The following DLG2 variants were observed in gnomAD, a reference collection of about 807,000 sequenced individuals.
The protein encoded by DLG2 is discs large MAGUK scaffold protein 2, also known as disks large homolog 2.
Under a neutral mutation model 132.5 loss-of-function variants are expected in DLG2, and 45 were observed. That is an observed-to-expected ratio of 0.34 (90% CI 0.27 to 0.44). The LOEUF (loss-of-function observed/expected upper bound fraction) is 0.44, where lower values mean the gene tolerates loss of function less well. Ranked by LOEUF, DLG2 falls within the 20% of genes least tolerant of loss-of-function variation. DLG2 has a pLI of 1.00. For synonymous variants in DLG2, 424 were observed against 419.6 expected, an observed-to-expected ratio of 1.01 and a Z score of -0.13; for missense variants, 1,045 against 1,196.9, an observed-to-expected ratio of 0.87 and a Z score of 1.87.
At chr11:84,696,588 C>G (rs1424798590) in intron 6 of DLG2, among the ~76,000 whole-genome samples, 1 of 151,214 alleles carries the variant, frequency 6.6e-6, no homozygotes, top group Non-Finnish European at 1.5e-5. Context: ...TGGTGACAAA[C>G]CAGGCAGAAA....
intron 7 of DLG2, among the ~76,000 whole-genome samples, chr11:84,368,410 TC>T (rs2098692706): frequency 1.3e-5 from 2 of 152,094 alleles, no homozygotes; most frequent in South Asian, 4.1e-4. Context: ...ATAAATATTC[TC>T]CCAAGGTAAG....
At chr11:85,272,246 C>T (rs2077580793) in intron 4 of DLG2, among the ~76,000 whole-genome samples, 1 of 152,128 alleles carries the variant, frequency 6.6e-6, no homozygotes, top group Non-Finnish European at 1.5e-5. Context: ...CTTCTTTCTG[C>T]CATAATTGTG....
intron 7 of DLG2, among the ~76,000 whole-genome samples, chr11:84,302,639 T>C (rs1425390661): frequency 6.6e-6 from 1 of 152,186 alleles, no homozygotes; most frequent in Non-Finnish European, 1.5e-5. Context: ...CAGGTGACTT[T>C]TAATTTTTTA....
At chr11:84,309,246 C>G (rs1352838215) in intron 7 of DLG2, among the ~76,000 whole-genome samples, 1 of 152,200 alleles carries the variant, frequency 6.6e-6, no homozygotes, top group East Asian at 1.9e-4. Flanking sequence ...GGGCTCTCCT[C>G]TCTCCGTCTG....
intron 4 of DLG2, among the ~76,000 whole-genome samples, chr11:85,238,205 T>TTTTATTTATTTA (rs141877580): frequency 4.8e-5 from 6 of 126,002 alleles, no homozygotes; most frequent in Non-Finnish European, 8.4e-5. Flanking sequence ...TTTATTTTTA[T>TTTTATTTATTTA]TTTATTTATT....
chr11:84,554,709 G>T (rs1023488113), intron 6 of DLG2, among the ~76,000 whole-genome samples: 3 of 152,046 alleles, frequency 2.0e-5, no homozygotes, highest in African/African-American at 7.2e-5. Context: ...CTGAGTCACT[G>T]CACTCCAGCC....
Position 84,857,469 on chromosome 11 carries a change from C to G in DLG2, c.357+254192G>C, listed in dbSNP as rs533739887. Among the ~76,000 whole-genome samples the G allele has an allele frequency of 1.2e-4, 18 of 151,076 alleles. 1 individual carries two copies. In the South Asian group the frequency reaches 3.4e-3, roughly 28 times the overall value. On this transcript the variant is annotated intron_variant, in intron 6 of 27. Coordinates refer to ENST00000376104, the MANE Select transcript of DLG2 (RefSeq NM_001142699.3). ...TGGAAACTAGTATGTTTCAAAGGCA[C>G]AGGAGGAATCAGTCTATGGAAAAGA...
intron 11 of DLG2, among the ~76,000 whole-genome samples, chr11:84,003,829 A>G (rs1046115508): frequency 1.3e-5 from 2 of 152,170 alleles, no homozygotes; most frequent in African/African-American, 4.8e-5. Flanking sequence ...GTGATAAAAA[A>G]CTGGAAAAAG....
intron 18 of DLG2, among the ~76,000 whole-genome samples, chr11:83,652,974 T>G (rs1297773669): frequency 1.3e-5 from 2 of 152,244 alleles, no homozygotes; most frequent in Admixed American, 1.3e-4. Flanking sequence ...TATTCCACTG[T>G]ACATATGTGA....
At chr11:84,946,714 C>T (rs1176127082) in intron 6 of DLG2, among the ~76,000 whole-genome samples, 7 of 152,102 alleles carry the variant, frequency 4.6e-5, no homozygotes, top group African/African-American at 1.7e-4. Flanking sequence ...CCTTGGCCAC[C>T]CTAGCTGGTG....
At chr11:85,441,699 A>G (rs1443654243) in intron 3 of DLG2, among the ~76,000 whole-genome samples, 2 of 152,212 alleles carry the variant, frequency 1.3e-5, no homozygotes, top group Non-Finnish European at 2.9e-5. Context: ...GGTAAATGCT[A>G]TGATTCACTC....
intron 17 of DLG2, chr11:83,791,331 C>G (rs574454735): frequency 1.5e-4 from 104 of 671,074 alleles, no homozygotes; most frequent in Non-Finnish European, 2.5e-4. Context: ...TGGCAGAAAG[C>G]TGCCTTTTTA....
chr11:83,967,099 T>A (rs527297737), intron 12 of DLG2, among the ~76,000 whole-genome samples: 2 of 152,120 alleles, frequency 1.3e-5, no homozygotes, highest in African/African-American at 4.8e-5. Context: ...TATTTCATTG[T>A]GCATATATAC....
intron 16 of DLG2, among the ~76,000 whole-genome samples, chr11:83,851,316 C>T (rs559523435): frequency 9.2e-5 from 14 of 152,174 alleles, no homozygotes; most frequent in South Asian, 2.1e-4. Context: ...TCCAATCTGA[C>T]GGGTCTCCTT....
At chr11:84,252,063 T>C (rs1394538006) in intron 7 of DLG2, among the ~76,000 whole-genome samples, 4 of 151,952 alleles carry the variant, frequency 2.6e-5, no homozygotes, top group Non-Finnish European at 5.9e-5. Context: ...GTATGCTATA[T>C]TCAATACAAA....
At chr11:85,428,090 G>T (rs895346866) in intron 3 of DLG2, among the ~76,000 whole-genome samples, 4 of 152,118 alleles carry the variant, frequency 2.6e-5, no homozygotes, top group African/African-American at 7.2e-5. Flanking sequence ...TCCTAAATAT[G>T]CATGCACCCA....
At chr11:83,874,220 A>G (rs535202790) in intron 16 of DLG2, among the ~76,000 whole-genome samples, 200 bp downstream of exon 16, 1 of 150,722 alleles carries the variant, frequency 6.6e-6, no homozygotes, top group African/African-American at 2.4e-5. Flanking sequence ...ACAGAAAAAA[A>G]GAAAGAAAGA....
intron 3 of DLG2, among the ~76,000 whole-genome samples, chr11:85,564,103 T>C (rs1003118939): frequency 6.6e-6 from 1 of 152,070 alleles, no homozygotes; most frequent in African/African-American, 2.4e-5. Flanking sequence ...TCAAAAAGTT[T>C]TTTCCATTAT....
chr11:84,336,871 G>T (rs2098487223), intron 7 of DLG2, among the ~76,000 whole-genome samples: 1 of 152,104 alleles, frequency 6.6e-6, no homozygotes, highest in South Asian at 2.1e-4. Flanking sequence ...GAGTATTCTT[G>T]CTCTTATCCT....
Sources: gnomAD v4.1 joint callset for allele counts (sites outside exome capture counted in the v4.1 genomes callset) on GRCh38, gnomAD v4.1.1 for gene constraint, MANE v1.5 for transcripts, NCBI Gene and HGNC (gene_info 2026-07-23, HGNC 2026-07-21) for gene names.